Variants in MAP2K4 observed in about 807,000 individuals in gnomAD.
The protein encoded by MAP2K4 is dual specificity mitogen-activated protein kinase kinase 4.
In MAP2K4, 4 loss-of-function variants were observed where a neutral mutation model predicts 48.5. The observed-to-expected ratio is 0.08, with a 90% CI of 0.04 to 0.19. The LOEUF (loss-of-function observed/expected upper bound fraction) is 0.19. Among genes scored for constraint, MAP2K4 ranks in the 10% least tolerant of loss-of-function variants. The pLI is 1.00. For missense variants in MAP2K4, 258 were observed against 493.3 expected (o/e 0.52, Z 4.52); for synonymous variants, 166 against 173.1 (o/e 0.96, Z 0.32).
chr17:12,140,858 G>A (rs1479550038), intron 10 of MAP2K4, among the ~76,000 whole-genome samples: 1 of 152,146 alleles, frequency 6.6e-6, no homozygotes, highest in African/African-American at 2.4e-5. Context: ...CAACTTGGCT[G>A]TCTTCCTCAA....
intron 4 of MAP2K4, among the ~76,000 whole-genome samples, chr17:12,097,402 A>G (rs1004506469): frequency 1.3e-5 from 2 of 152,260 alleles, no homozygotes; most frequent in Admixed American, 1.3e-4. Context: ...TACCATTTAC[A>G]CACCTAGCCT....
intron 7 of MAP2K4, among the ~76,000 whole-genome samples, chr17:12,116,775 C>T (rs1972512085): frequency 6.6e-6 from 1 of 152,138 alleles, no homozygotes; most frequent in Non-Finnish European, 1.5e-5. Flanking sequence ...ATATCAATGC[C>T]TTCTTTGTAA....
intron 4 of MAP2K4, among the ~76,000 whole-genome samples, chr17:12,106,268 G>C (rs1384913963): frequency 6.6e-6 from 1 of 152,134 alleles, no homozygotes; most frequent in Non-Finnish European, 1.5e-5. Context: ...GTTTTGGGTG[G>C]AGGGTGTTAC....
chr17:12,057,700 T>TA (rs538261330), intron 2 of MAP2K4, among the ~76,000 whole-genome samples: 18 of 150,864 alleles, frequency 1.2e-4, no homozygotes, highest in African/African-American at 3.9e-4. Context: ...TCCTAGACTC[T>TA]AAAAAAAAAT....
chr17:12,094,654 C>T (rs936050823), intron 3 of MAP2K4, among the ~76,000 whole-genome samples: 9 of 152,018 alleles, frequency 5.9e-5, no homozygotes, highest in African/African-American at 2.2e-4. Context: ...TTTATAATTT[C>T]TGAACATGAT....
intron 1 of MAP2K4, among the ~76,000 whole-genome samples, chr17:12,027,468 CAT>C (rs1969289743): frequency 6.6e-6 from 1 of 151,858 alleles, no homozygotes; most frequent in South Asian, 2.1e-4. Flanking sequence ...TGTTGCCAGA[CAT>C]ATATATCTGA....
intron 1 of MAP2K4, among the ~76,000 whole-genome samples, chr17:12,042,292 C>T (rs1040902401): frequency 1.3e-5 from 2 of 151,390 alleles, no homozygotes; most frequent in African/African-American, 4.9e-5. Flanking sequence ...TTTTGCCTTT[C>T]CGGATTCTTA....
chr17:12,107,744 T>G, intron 4 of MAP2K4, 46 bp from the exon 5 acceptor site: 30 of 1,485,934 alleles, frequency 2.0e-5, no homozygotes, highest in Non-Finnish European at 2.5e-5. Flanking sequence ...AAAGGCAAGG[T>G]GATATTTAAG....
intron 3 of MAP2K4, among the ~76,000 whole-genome samples, chr17:12,083,160 A>C (rs1034870): frequency 0.17 from 25,627 of 152,236 alleles, 2,534 homozygotes; most frequent in South Asian, 0.3. Flanking sequence ...ACATTATTAA[A>C]CATTTTAGTA....
At chr17:12,030,964 C>T (rs576290973) in intron 1 of MAP2K4, among the ~76,000 whole-genome samples, 9 of 152,262 alleles carry the variant, frequency 5.9e-5, no homozygotes, top group Non-Finnish European at 8.8e-5. Flanking sequence ...GCTCATTTTG[C>T]GTGGTAGGAG....
intron 9 of MAP2K4, among the ~76,000 whole-genome samples, chr17:12,131,328 C>T (rs1200791722): frequency 6.6e-6 from 1 of 151,390 alleles, no homozygotes; most frequent in East Asian, 1.9e-4. Flanking sequence ...TCACTGCAAC[C>T]TCCACCTCCC....
intron 1 of MAP2K4, among the ~76,000 whole-genome samples, chr17:12,023,117 A>G (rs192813438): frequency 1.3e-5 from 2 of 152,324 alleles, no homozygotes; most frequent in Admixed American, 1.3e-4. Flanking sequence ...TTTCTTTTTT[A>G]TCAATATTGT....
chr17:12,130,219 A>G (rs1029092772), intron 9 of MAP2K4, among the ~76,000 whole-genome samples: 3 of 152,102 alleles, frequency 2.0e-5, no homozygotes, highest in East Asian at 1.9e-4. Context: ...TTGTTTGACT[A>G]TAGTTTTTAA....
chr17:12,072,885 A>G (rs901743865), intron 2 of MAP2K4, among the ~76,000 whole-genome samples: 1 of 152,226 alleles, frequency 6.6e-6, no homozygotes, highest in Admixed American at 6.5e-5. Flanking sequence ...GTAGGTGTTC[A>G]AAACACAACT....
intron 9 of MAP2K4, among the ~76,000 whole-genome samples, chr17:12,137,189 A>T (rs1973236916): frequency 6.6e-6 from 1 of 152,204 alleles, no homozygotes; most frequent in Non-Finnish European, 1.5e-5. Flanking sequence ...ACTCAGACAT[A>T]TGTTGAACAA....
At chr17:12,036,600 T>A (rs1406500657) in intron 1 of MAP2K4, 2 of 152,198 alleles carry the variant, frequency 1.3e-5, no homozygotes, top group Admixed American at 6.5e-5. Context: ...AGCAGTTGAG[T>A]TGCCCAATGT....
In MAP2K4 at chr17:12,101,254, A is replaced by AT. The variant is rs920766031; in HGVS notation, c.513+5569dup. ...ATATATCGAGAGTTATATATTGATGATTTTTTTTTGCATGTGGATATCCTT... is the reference window on the plus strand; with the variant it reads ...ATATATCGAGAGTTATATATTGATGATTTTTTTTTTGCATGTGGATATCCTT... On this transcript the variant is annotated intron_variant, in intron 4 of 10. Coordinates refer to ENST00000353533, the MANE Select transcript of MAP2K4 (RefSeq NM_003010.4). Among the ~76,000 whole-genome samples the AT allele has an allele frequency of 1.9e-3, 283 of 151,012 alleles. 2 individuals are homozygous for AT. Among genetic ancestry groups the AT allele is most frequent in the African/African-American group, 6.3e-3 (259 of 41,202 alleles).
chr17:12,091,071 G>C (rs1399901056), intron 3 of MAP2K4, among the ~76,000 whole-genome samples: 1 of 152,220 alleles, frequency 6.6e-6, no homozygotes, highest in African/African-American at 2.4e-5. Flanking sequence ...CTCCCCTGGA[G>C]ATCTCAGTGT....
intron 8 of MAP2K4, among the ~76,000 whole-genome samples, chr17:12,127,079 A>C (rs752141461): frequency 1.2e-4 from 18 of 152,218 alleles, no homozygotes; most frequent in Non-Finnish European, 2.6e-4. Flanking sequence ...CTGTGATCAG[A>C]AGCACATAAC....
Sources: gnomAD v4.1 joint callset for allele counts (sites outside exome capture counted in the v4.1 genomes callset) on GRCh38, gnomAD v4.1.1 for gene constraint, MANE v1.5 for transcripts, NCBI Gene and HGNC (gene_info 2026-07-23, HGNC 2026-07-21) for gene names.